DYNC2H1: variants seen among roughly 807,000 people sequenced by gnomAD.
DYNC2H1 encodes cytoplasmic dynein 2 heavy chain 1.
Under a neutral mutation model 570.0 loss-of-function variants are expected in DYNC2H1, and 410 were observed. The observed-to-expected ratio is 0.72, with a 90% CI of 0.66 to 0.78. DYNC2H1 has a LOEUF of 0.78. Among genes scored for constraint, DYNC2H1 ranks in the 30% least tolerant of loss-of-function variants. DYNC2H1 has a pLI of 0.00. For missense variants in DYNC2H1, 4,865 were observed against 5,046.4 expected, an observed-to-expected ratio of 0.96 and a Z score of 1.09; for synonymous variants, 1,688 against 1,677.6, an observed-to-expected ratio of 1.01 and a Z score of -0.15.
intron 55 of DYNC2H1, among the ~76,000 whole-genome samples, chr11:103,219,609 T>G (rs1863511062): frequency 6.6e-6 from 1 of 152,242 alleles, no homozygotes; most frequent in South Asian, 2.1e-4. Flanking sequence ...CAAGACTCCA[T>G]CTCAAAAAAA....
intron 63 of DYNC2H1, among the ~76,000 whole-genome samples, chr11:103,238,339 C>T (rs1469806799): frequency 6.6e-6 from 1 of 151,964 alleles, no homozygotes; most frequent in African/African-American, 2.4e-5. Flanking sequence ...GGAGGCAAGG[C>T]GGGTGGATCA....
chr11:103,139,675 A>G (rs867658488), intron 17 of DYNC2H1, among the ~76,000 whole-genome samples: 100 of 151,910 alleles, frequency 6.6e-4, no homozygotes, highest in Middle Eastern at 3.4e-3. Flanking sequence ...GTGGTGTTGA[A>G]AAAAATGTAT....
At chr11:103,121,573 G>A (rs1858715705) in intron 10 of DYNC2H1, 77 bp downstream of exon 10, 3 of 1,442,560 alleles carry the variant, frequency 2.1e-6, no homozygotes, top group Admixed American at 2.1e-5. Flanking sequence ...GTACTCTAGA[G>A]CTGTAGTAAA....
Position 103,177,435 on chromosome 11 carries a change from C to G in DYNC2H1, c.5875-121C>G. 1.1e-6 allele frequency: 1 copy of G among 919,640 alleles called. No individual in the cohort carries two copies. The highest frequency in any genetic ancestry group is 1.6e-6 in the Non-Finnish European group (1 of 635,058). The allele number at this position is 919,640 out of a possible 1,614,324, so 57.0% of individuals were successfully genotyped here. ...GTAGTCTATTACATTTTAGGCAATA[C>G]CTTCCACTGAAGAAATCAAAGGCTT... is the stretch of plus-strand genomic sequence containing the variant. On this transcript the variant is annotated intron_variant, in intron 37 of 88. Transcript: ENST00000375735. This position sits in a 1 kb window ranked among gnomAD's most constrained non-coding sequence, Gnocchi z 4.4.
chr11:103,307,898 C>A, intron 78 of DYNC2H1, 67 bp downstream of exon 78: 2 of 871,292 alleles, frequency 2.3e-6, no homozygotes, highest in Non-Finnish European at 3.5e-6. Flanking sequence ...ACTTCTAAAA[C>A]TTTGTAAACA....
At chr11:103,214,418 C>G (rs971664306) in intron 54 of DYNC2H1, among the ~76,000 whole-genome samples, 9 of 148,990 alleles carry the variant, frequency 6.0e-5, no homozygotes, top group African/African-American at 2.2e-4. Context: ...GTAGTATGGC[C>G]ATTTTAACAA....
chr11:103,323,926 A>C lies in DYNC2H1; in HGVS notation c.11975A>C (p.Lys3992Thr). 6.2e-7 allele frequency: 1 copy of C among 1,613,032 alleles called. No individual in the cohort carries two copies. Among genetic ancestry groups the C allele is most frequent in the Non-Finnish European group, 8.5e-7 (1 of 1,179,290 alleles). Residue 3992 changes from lysine (K) to threonine (T), a missense_variant, in exon 82 of 89, where the codon AAA (lysine) becomes ACA (threonine). Lys to Thr is a moderately conservative substitution (Grantham distance 78). This residue lies in a region of DYNC2H1 where 2,401 missense variants were observed against 2,454.6 expected (regional missense o/e 0.98). Transcript: ENST00000375735. ...AVIEKIPEDD[K>T]PSFFGLPANI... ...ATTGAGAAAATTCCAGAGGACGACA[A>C]ACCTAGTTTCTTTGGTCTGCCTGCC...
At chr11:103,405,135 C>G (rs566189279) in intron 84 of DYNC2H1, 1 of 151,360 alleles carries the variant, frequency 6.6e-6, no homozygotes, top group Non-Finnish European at 1.5e-5. Flanking sequence ...TTCAGGGTGA[C>G]CAAAGAATCA....
intron 82 of DYNC2H1, among the ~76,000 whole-genome samples, chr11:103,330,985 CTT>C (rs1180571133): frequency 1.3e-5 from 2 of 152,158 alleles, no homozygotes; most frequent in Non-Finnish European, 2.9e-5. Flanking sequence ...TGTTTCTACT[CTT>C]TTGACAATAG....
In DYNC2H1 at chr11:103,395,196, ACT is replaced by A. The variant is rs1373126589; in HGVS notation, c.12157-4465_12157-4464del. Reference sequence around the variant, plus strand: ...ATTTTAGATTGCAAGTAATTGGAAAACTCAGCTCAAACTGACTTATGTGAAAA... The same window carrying A: ...ATTTTAGATTGCAAGTAATTGGAAAACAGCTCAAACTGACTTATGTGAAAA... On this transcript the variant is annotated intron_variant, in intron 83 of 88. Coordinates refer to ENST00000375735, the MANE Select transcript of DYNC2H1 (RefSeq NM_001377.3). The surrounding 1 kb of genome is among the most constrained non-coding windows in gnomAD (Gnocchi z 4.3). 3.3e-5 allele frequency among the ~76,000 whole-genome samples: 5 copies of A among 152,110 alleles called. No homozygotes were observed. The highest frequency in any genetic ancestry group is 5.9e-5 in the Non-Finnish European group (4 of 68,028).
At chr11:103,397,167 GA>G (rs751843780) in intron 83 of DYNC2H1, among the ~76,000 whole-genome samples, 9 of 152,150 alleles carry the variant, frequency 5.9e-5, no homozygotes, top group Non-Finnish European at 1.3e-4. Flanking sequence ...AAGGAATTAA[GA>G]AAACCTTATT....
intron 29 of DYNC2H1, among the ~76,000 whole-genome samples, chr11:103,162,453 A>G (rs952326622): frequency 2.0e-5 from 3 of 152,186 alleles, no homozygotes; most frequent in Admixed American, 6.5e-5. Flanking sequence ...ATTATTTTAT[A>G]TATAATCAAG....
intron 85 of DYNC2H1, among the ~76,000 whole-genome samples, chr11:103,445,572 A>T (rs185291557): frequency 1.1e-4 from 16 of 152,282 alleles, no homozygotes; most frequent in Admixed American, 2.6e-4. Context: ...CTTCTTAAAG[A>T]AGTGGTCATA....
Position 103,184,906 on chromosome 11 carries a change from T to C in DYNC2H1, c.6488T>C (p.Val2163Ala). The change falls in exon 41 of 89, where the codon GTG becomes GCG. Residue 2163 changes from valine to alanine, a missense_variant. By Grantham distance (64) the Val-to-Ala change is moderately conservative. This residue lies in a region of DYNC2H1 where 231 missense variants were observed against 310.3 expected (regional missense o/e 0.74). Transcript: ENST00000375735. The stretch of plus-strand genomic sequence containing the variant: ...GATTTTAATCAACAGAATGACTATG[T>C]GGTAGAAACAAGTTTGGTTGGGACT... ...LQWVLKQNDY[V>A]VETSLVGTVM... The C allele has an allele frequency of 6.2e-7, 1 of 1,610,396 alleles. No homozygotes were observed. Among genetic ancestry groups the C allele is most frequent in the Non-Finnish European group, 8.5e-7 (1 of 1,177,474 alleles).
At chr11:103,308,355 A>G (rs146033876) in intron 78 of DYNC2H1, among the ~76,000 whole-genome samples, 1 of 152,156 alleles carries the variant, frequency 6.6e-6, no homozygotes, top group Non-Finnish European at 1.5e-5. Flanking sequence ...TTAAGATAGG[A>G]TAATATTTCA....
chr11:103,169,801 T>C (rs1285007495), intron 32 of DYNC2H1, among the ~76,000 whole-genome samples: 2 of 152,192 alleles, frequency 1.3e-5, no homozygotes, highest in African/African-American at 4.8e-5. Context: ...GATTACTGTA[T>C]AATAATTTTG....
In DYNC2H1 at chr11:103,204,656, A is replaced by G. The variant is rs1862854322; in HGVS notation, c.8312-166A>G. 6.6e-6 allele frequency among the ~76,000 whole-genome samples: 1 copy of G among 152,190 alleles called. No homozygotes were observed. Among genetic ancestry groups the G allele is most frequent in the Non-Finnish European group, 1.5e-5 (1 of 68,028 alleles). The stretch of plus-strand genomic sequence containing the variant: ...TCTTAACATGCACATACACAAATTT[A>G]TAAGTGTTCTTTTAACTAAAATAAA... On this transcript the variant is annotated intron_variant, in intron 51 of 88. Transcript: ENST00000375735. The surrounding 1 kb of genome is among the most constrained non-coding windows in gnomAD (Gnocchi z 4.1).
chr11:103,299,407 C>G lies in DYNC2H1; in HGVS notation c.11096-3686C>G, dbSNP rs1358624581. Among the ~76,000 whole-genome samples, 5 of 152,200 alleles carry G rather than the reference C, an allele frequency of 3.3e-5. No individual in the cohort carries two copies. The highest frequency in any genetic ancestry group is 1.2e-4 in the African/African-American group (5 of 41,562). ...GCAGGTCAGAAACCTGATGGGCTCA[C>G]CAGGTTTCTTTGCTCCAAGTTTTGG... On this transcript the variant is annotated intron_variant, in intron 75 of 88. Transcript: ENST00000375735. This position sits in a 1 kb window ranked among gnomAD's most constrained non-coding sequence, Gnocchi z 4.5.
At chr11:103,365,445 A>T (rs1940862261) in intron 83 of DYNC2H1, among the ~76,000 whole-genome samples, 2 of 152,154 alleles carry the variant, frequency 1.3e-5, no homozygotes, top group Admixed American at 1.3e-4. Context: ...AAATTATGTA[A>T]AGCCCAGAAA....
Sources: gnomAD v4.1 joint callset for allele counts (sites outside exome capture counted in the v4.1 genomes callset) on GRCh38, gnomAD v4.1.1 for gene constraint, gnomAD v4.1.1 regional missense constraint, Gnocchi (gnomAD v3.1) non-coding constraint, MANE v1.5 for transcripts, NCBI Gene and HGNC (gene_info 2026-07-23, HGNC 2026-07-21) for gene names.